The following TOP2A variants were observed in gnomAD, a reference collection of about 807,000 sequenced individuals.
TOP2A encodes DNA topoisomerase 2-alpha.
Under a neutral mutation model 187.2 loss-of-function variants are expected in TOP2A, and 68 were observed. That is an observed-to-expected ratio of 0.36 (90% CI 0.30 to 0.44). TOP2A has a LOEUF of 0.44. Ranked by LOEUF, TOP2A falls within the 20% of genes least tolerant of loss-of-function variation. The probability of loss-of-function intolerance (pLI) is 1.00; values close to 1 mark genes in which losing one functional copy is unlikely to be tolerated. For synonymous variants in TOP2A, 542 were observed against 593.2 expected, an observed-to-expected ratio of 0.91 and a Z score of 1.25; for missense variants, 1,196 against 1,808.7, an observed-to-expected ratio of 0.66 and a Z score of 6.14.
rs202246173 is a variant in TOP2A at position 40,390,624 on chromosome 17, ATTTTTTT to A, written c.4268-467_4268-461del. Among the ~76,000 whole-genome samples, 19 of 129,792 alleles carry A rather than the reference ATTTTTTT, an allele frequency of 1.5e-4. No individual in the cohort carries two copies. The South Asian group carries it at 3.6e-3, about 25-fold the overall frequency. 85.1% of individuals were successfully genotyped at this position (129,792 alleles called of 152,430 possible). ...GAATCAAAGTATTCTTAAACATTCT[ATTTTTTT>A]TTTTTTTTTTTTGAGACAGCATCTT... On this transcript the variant is annotated intron_variant, in intron 33 of 34. Transcript: ENST00000423485.
chr17:40,415,037 AC>A (rs1438465511), intron 4 of TOP2A, among the ~76,000 whole-genome samples: 4 of 151,618 alleles, frequency 2.6e-5, no homozygotes, highest in African/African-American at 7.3e-5. Flanking sequence ...TATAAAAAAA[AC>A]TAATTAAAAT....
At chr17:40,392,887 T>A in intron 29 of TOP2A, 150 bp from the exon 30 acceptor site, 1 of 712,000 alleles carries the variant, frequency 1.4e-6, no homozygotes, top group Non-Finnish European at 2.3e-6. Flanking sequence ...GTTTTTGTGG[T>A]GCATATAGCT....
intron 27 of TOP2A, among the ~76,000 whole-genome samples, chr17:40,397,350 A>G (rs1192736700): frequency 1.4e-5 from 2 of 147,692 alleles, no homozygotes; most frequent in East Asian, 2.0e-4. Flanking sequence ...CAGTGGCGCA[A>G]TCTCGGCTCA....
At chr17:40,409,790 A>C (rs1244971269) in intron 10 of TOP2A, among the ~76,000 whole-genome samples, 1 of 151,780 alleles carries the variant, frequency 6.6e-6, no homozygotes, top group East Asian at 1.9e-4. Context: ...AAAAAAAAAA[A>C]AAAAAAAGAC....
At chr17:40,400,138 T>G (rs2035157854) in intron 23 of TOP2A, 71 bp from the exon 24 acceptor site, 2 of 1,584,140 alleles carry the variant, frequency 1.3e-6, no homozygotes, top group Admixed American at 3.4e-5. Flanking sequence ...TAGACTAAGA[T>G]ATACTTTTAA....
intron 3 of TOP2A, 77 bp from the exon 4 acceptor site, chr17:40,416,145 A>G (rs2035387709): frequency 1.8e-5 from 22 of 1,195,358 alleles, no homozygotes; most frequent in Non-Finnish European, 1.7e-5. Context: ...TAAGATATAG[A>G]AAAAAAAGTT....
At chr17:40,408,207 T>C in intron 11 of TOP2A, 83 bp from the exon 12 acceptor site, 2 of 1,136,844 alleles carry the variant, frequency 1.8e-6, no homozygotes, top group South Asian at 3.6e-5. Flanking sequence ...TTTATAGCCT[T>C]GTGATAAAAC....
chr17:40,399,033 A>G lies in TOP2A; in HGVS notation c.3288+7T>C. 6.3e-7 allele frequency: 1 copy of G among 1,592,724 alleles called. No individual in the cohort carries two copies. Among genetic ancestry groups the G allele is most frequent in the Non-Finnish European group, 8.6e-7 (1 of 1,167,790 alleles). On this transcript the variant is annotated splice_region_variant and intron_variant, in intron 25 of 34. Coordinates refer to ENST00000423485, the MANE Select transcript of TOP2A (RefSeq NM_001067.4). ...TAACAATATAGAAAAGTGCCACCCA[A>G]GATTACCTTTTGCTGGGCTTCTTTC...
In TOP2A at chr17:40,417,777, T is replaced by C; in HGVS notation, c.15A>G (p.Pro5=). Residue 5 remains proline (P), a synonymous_variant, in exon 1 of 35, where the codon CCA becomes CCG. Coordinates refer to ENST00000423485, the MANE Select transcript of TOP2A (RefSeq NM_001067.4). MEVS[P]LQPVNENMQV... ...TCCCCCCCGCGAGCCGTACCTGCAA[T>C]GGTGACACTTCCATGGTGACGGTCG... 6.2e-7 allele frequency: 1 copy of C among 1,613,374 alleles called. No individual in the cohort carries two copies. Among genetic ancestry groups the C allele is most frequent in the Non-Finnish European group, 8.5e-7 (1 of 1,179,854 alleles).
At chr17:40,410,059 G>A in intron 10 of TOP2A, 1 of 162,492 alleles carries the variant, frequency 6.2e-6, no homozygotes, top group South Asian at 1.6e-4. Flanking sequence ...CTGCATTCCA[G>A]CCTGGGCGAC....
chr17:40,417,477 T>TA, intron 1 of TOP2A: 1 of 1,295,316 alleles, frequency 7.7e-7, no homozygotes, highest in East Asian at 2.7e-5. Context: ...CGCGACTCAA[T>TA]AACGTCGCAC....
At position 40,407,884 on chromosome 17, in the gene TOP2A, T is replaced by C. The variant is rs576667974; in HGVS notation, c.1500+83A>G. Reference sequence around the variant, plus strand: ...AAATTGTCTAAAATATATTTTAAAATGCCTAATGAGGGAATTAAATATAAG... The same window carrying C: ...AAATTGTCTAAAATATATTTTAAAACGCCTAATGAGGGAATTAAATATAAG... On this transcript the variant is annotated intron_variant, in intron 12 of 34. Coordinates refer to ENST00000423485, the MANE Select transcript of TOP2A (RefSeq NM_001067.4). The C allele has an allele frequency of 1.3e-5, 18 of 1,396,410 alleles. No individual in the cohort carries two copies. The Admixed American group carries it at 1.8e-4, about 14-fold the overall frequency. The allele number at this position is 1,396,410 out of a possible 1,614,324, so 86.5% of individuals were successfully genotyped here. A position where few individuals can be genotyped will look rare whatever the true frequency, so the allele number is the denominator to read the frequency against.
chr17:40,392,594 T>G lies in TOP2A; in HGVS notation c.3955A>C (p.Arg1319=). Residue 1319 remains arginine, a synonymous_variant, in exon 30 of 35, where the codon AGA becomes CGA. Coordinates refer to ENST00000423485, the MANE Select transcript of TOP2A (RefSeq NM_001067.4). ...CTTTAGTTTTCCTTACTTGCTGCTC[T>G]CCGTGGCTCTGTTTCTCGTGGAGGG... ...DVPPRETEPR[R]AATKTKFTMD... is the part of the protein sequence containing the mutation. 1.2e-6 allele frequency: 2 copies of G among 1,610,302 alleles called. No homozygotes were observed. Among genetic ancestry groups the G allele is most frequent in the Non-Finnish European group, 1.7e-6 (2 of 1,178,914 alleles).
chr17:40,391,768 A>G (rs902847196), intron 32 of TOP2A, 128 bp from the exon 33 acceptor site: 3 of 1,068,452 alleles, frequency 2.8e-6, no homozygotes, highest in Non-Finnish European at 3.9e-6. Context: ...TATTTAAAAC[A>G]TACTCTTAAA....
At chr17:40,394,576 G>A (rs1320843095) in intron 29 of TOP2A, among the ~76,000 whole-genome samples, 1 of 152,130 alleles carries the variant, frequency 6.6e-6, no homozygotes, top group Non-Finnish European at 1.5e-5. Flanking sequence ...CAAGTGATCC[G>A]CCAGCCTCAG....
Position 40,392,256 on chromosome 17 carries a change from T to C in TOP2A, c.4050A>G (p.Pro1350=), listed in dbSNP as rs2035032349. 1 of 1,613,116 alleles carries C rather than the reference T, an allele frequency of 6.2e-7. No homozygotes were observed. The highest frequency in any genetic ancestry group is 1.7e-5 in the Admixed American group (1 of 59,886). Residue 1350 remains proline (P), a synonymous_variant, in exon 31 of 35, where the codon CCA becomes CCG. Coordinates refer to ENST00000423485, the MANE Select transcript of TOP2A (RefSeq NM_001067.4). Reference sequence around the variant, plus strand: ...TGGTCTTAGGTGGACTAGCATCTGATGGGACAAAATCTTCATCATCAGTTT... The same window carrying C: ...TGGTCTTAGGTGGACTAGCATCTGACGGGACAAAATCTTCATCATCAGTTT... ...DEKTDDEDFV[P]SDASPPKTKT...
intron 27 of TOP2A, among the ~76,000 whole-genome samples, chr17:40,396,950 A>G (rs2035108613): frequency 6.7e-6 from 1 of 149,348 alleles, no homozygotes; most frequent in African/African-American, 2.5e-5. Flanking sequence ...GTACATGATC[A>G]TAGTTCACTG....
At chr17:40,389,891 T>A (rs1016415992) in intron 34 of TOP2A, 74 bp downstream of exon 34, 37 of 1,444,980 alleles carry the variant, frequency 2.6e-5, no homozygotes, top group Non-Finnish European at 3.2e-5. Context: ...ATATGCCAAA[T>A]TTTTAAGAGC....
At position 40,408,614 on chromosome 17, in the gene TOP2A, A is replaced by T. The variant is rs1415942807; in HGVS notation, c.1220T>A (p.Ile407Asn). ...CACCCAGTTTAGTATGCTTTCTACA[A>T]TACCACAGCCAATGGCCTGAAAACG... The part of the protein sequence containing the change: ...KFIKAAIGCG[I>N]VESILNWVKF... The change falls in exon 11 of 35, where the codon ATT becomes AAT. Residue 407 changes from isoleucine to asparagine, a missense_variant. Transcript: ENST00000423485. The T allele has an allele frequency of 6.2e-7, 1 of 1,613,794 alleles. No homozygotes were observed. Among genetic ancestry groups the T allele is most frequent in the African/African-American group, 1.3e-5 (1 of 74,920 alleles).
Sources: gnomAD v4.1 joint callset for allele counts (sites outside exome capture counted in the v4.1 genomes callset) on GRCh38, gnomAD v4.1.1 for gene constraint, MANE v1.5 for transcripts, NCBI Gene and HGNC (gene_info 2026-07-23, HGNC 2026-07-21) for gene names.